PIEZO1: variants seen among roughly 807,000 people sequenced by gnomAD.
PIEZO1 encodes piezo-type mechanosensitive ion channel component 1.
In PIEZO1, 296 loss-of-function variants were observed where a neutral mutation model predicts 297.2. The observed-to-expected ratio is 1.00, with a 90% CI of 0.91 to 1.10. PIEZO1 has a LOEUF of 1.10. PIEZO1 is among the 50% of genes least tolerant of loss of function. The pLI is 0.00. For synonymous variants in PIEZO1, 2,427 were observed against 1,507.5 expected, an observed-to-expected ratio of 1.61 and a Z score of -14.13; for missense variants, 5,018 against 3,455.5, an observed-to-expected ratio of 1.45 and a Z score of -11.34.
rs1906031641 is a variant in PIEZO1, at chr16:88,745,986, A to G, written c.160+3398T>C. ...GCCACCATCCCCACACCTGCCGGAC[A>G]AGGGCTGGGCCTGATTGTTCTGTGG... On this transcript the variant is annotated intron_variant, in intron 2 of 50. Transcript: ENST00000301015. 2.0e-5 allele frequency among the ~76,000 whole-genome samples: 3 copies of G among 152,290 alleles called. No homozygotes were observed. In the South Asian group the frequency reaches 6.2e-4, roughly 32 times the overall value.
chr16:88,723,683 T>C lies in PIEZO1; in HGVS notation c.4335+188A>G, dbSNP rs374759377. Among the ~76,000 whole-genome samples, 8 of 152,252 alleles carry C rather than the reference T, an allele frequency of 5.3e-5. No individual in the cohort carries two copies. In the East Asian group the frequency reaches 9.6e-4, roughly 18 times the overall value. ...AGACCGTGGGGCAGCAGGCTACACA[T>C]GACCCATGTCCCTGTAGCCTGGTTT... On this transcript the variant is annotated intron_variant, in intron 31 of 50. Transcript: ENST00000301015.
intron 1 of PIEZO1, among the ~76,000 whole-genome samples, chr16:88,778,693 G>T (rs2911457): frequency 0.3 from 45,092 of 152,114 alleles, 7,388 homozygotes; most frequent in East Asian, 0.42. Flanking sequence ...CCCGCACACA[G>T]GAAGGGTCCC....
chr16:88,727,437 C>A (rs1181927309), intron 23 of PIEZO1, 120 bp downstream of exon 23: 1 of 641,232 alleles, frequency 1.6e-6, no homozygotes, highest in Non-Finnish European at 2.7e-6. Flanking sequence ...CTGCAGGCCG[C>A]CATGTGCCTG....
intron 1 of PIEZO1, among the ~76,000 whole-genome samples, chr16:88,770,375 G>A (rs1907367687): frequency 6.6e-6 from 1 of 152,226 alleles, no homozygotes; most frequent in East Asian, 1.9e-4. Context: ...TTGGGAGCTG[G>A]CTCGACCTTT....
chr16:88,723,998 G>A (rs1404495245), intron 30 of PIEZO1, 27 bp from the exon 31 acceptor site: 4 of 1,372,976 alleles, frequency 2.9e-6, no homozygotes, highest in Non-Finnish European at 4.1e-6. Context: ...CTGAGAGCCA[G>A]CCTTCCATGC....
chr16:88,739,476 G>C (rs941267195), intron 5 of PIEZO1: 2 of 152,184 alleles, frequency 1.3e-5, no homozygotes. Context: ...TCTGTGACTC[G>C]GGGGCTCTCC....
In PIEZO1 at chr16:88,731,908, G is replaced by T; in HGVS notation, c.2994C>A (p.Ile998=). The change falls in exon 22 of 51, where the codon ATC becomes ATA. Residue 998 remains isoleucine, a splice_region_variant and synonymous_variant. Transcript: ENST00000301015. ...TCACGTTCACGGCCATCAGGAAGCA[G>T]ATCTGGGGAGGGGAGAGGGCGGGGT... ...NFFFYKFGLE[I]CFLMAVNVIG... is the part of the protein sequence containing the mutation. 1 of 960,358 alleles carries T rather than the reference G, an allele frequency of 1.0e-6. No individual in the cohort carries two copies. The highest frequency in any genetic ancestry group is 1.3e-6 in the Non-Finnish European group (1 of 752,300). 59.5% of individuals were successfully genotyped at this position (960,358 alleles called of 1,614,324 possible).
intron 12 of PIEZO1, 56 bp from the exon 13 acceptor site, chr16:88,735,302 G>T (rs1905136250): frequency 7.8e-7 from 1 of 1,274,884 alleles, no homozygotes; most frequent in African/African-American, 1.5e-5. Context: ...CCCTCCCACA[G>T]CCGGGGGACC....
intron 2 of PIEZO1, chr16:88,743,773 G>C: frequency 2.5e-6 from 1 of 402,204 alleles, no homozygotes; most frequent in East Asian, 7.2e-5. Flanking sequence ...AGGCAGCCGA[G>C]GCAGGTTTGG....
chr16:88,757,362 G>T (rs2142878458), intron 1 of PIEZO1, among the ~76,000 whole-genome samples: 1 of 150,080 alleles, frequency 6.7e-6, no homozygotes, highest in South Asian at 2.1e-4. Flanking sequence ...GCTTTCCCGT[G>T]TGGTTAAAAG....
At position 88,742,376 on chromosome 16, in the gene PIEZO1, G is replaced by A. The variant is rs1182413307; in HGVS notation, c.207C>T (p.Leu69=). Reference sequence around the variant, plus strand: ...GGAGGGCGAGATGGGCCACCAGGAAGAGCAGGCTGAGGCCCAGCAATGCCC... The same window carrying A: ...GGAGGGCGAGATGGGCCACCAGGAAAAGCAGGCTGAGGCCCAGCAATGCCC... ...LLRALLGLSL[L]FLVAHLALQI... The change falls in exon 3 of 51, where the codon CTC becomes CTT. Residue 69 remains leucine (L), a synonymous_variant. Transcript: ENST00000301015. 1 of 1,535,462 alleles carries A rather than the reference G, an allele frequency of 6.5e-7. No individual in the cohort carries two copies. The highest frequency in any genetic ancestry group is 2.4e-5 in the East Asian group (1 of 40,916).
chr16:88,727,919 G>C (rs1398973926), intron 22 of PIEZO1: 2 of 323,102 alleles, frequency 6.2e-6, no homozygotes, highest in Non-Finnish European at 1.1e-5. Flanking sequence ...GGGGCTGCTG[G>C]GCCTGAGTTG....
At position 88,720,736 on chromosome 16, in the gene PIEZO1, C is replaced by T. The variant is rs552401582; in HGVS notation, c.5681G>A (p.Arg1894Lys). ...CTCTTCCTCCCCCTCTTCTTCCTCC[C>T]TGTCCTCAGCTTCTGTAGGGAAAAG... ...KGAAAIEAED[R>K]EEEEGEEEKE... Residue 1894 changes from arginine to lysine, a missense_variant, in exon 40 of 51, where the codon AGG becomes AAG. By Grantham distance (26) the Arg-to-Lys change is conservative. Coordinates refer to ENST00000301015, the MANE Select transcript of PIEZO1 (RefSeq NM_001142864.4). 7.6e-4 allele frequency: 1,140 copies of T among 1,505,172 alleles called. 1 individual carries two copies. The highest frequency in any genetic ancestry group is 9.5e-4 in the Non-Finnish European group (1,068 of 1,128,080). 93.2% of individuals were successfully genotyped at this position (1,505,172 alleles called of 1,614,324 possible).
intron 1 of PIEZO1, among the ~76,000 whole-genome samples, chr16:88,775,295 C>A (rs1404710671): frequency 6.6e-6 from 1 of 152,222 alleles, no homozygotes; most frequent in Non-Finnish European, 1.5e-5. Flanking sequence ...CGGCCAGTAG[C>A]CAGGCAGAAC....
At chr16:88,749,053 C>CGT (rs1906230919) in intron 2 of PIEZO1, among the ~76,000 whole-genome samples, 2 of 150,810 alleles carry the variant, frequency 1.3e-5, no homozygotes, top group Admixed American at 1.3e-4. Context: ...CTGGCTATCA[C>CGT]GGTGAAACCC....
intron 1 of PIEZO1, among the ~76,000 whole-genome samples, chr16:88,756,483 G>T (rs144801475): frequency 1.3e-5 from 2 of 152,360 alleles, no homozygotes; most frequent in African/African-American, 4.8e-5. Context: ...GCCGGGCACC[G>T]TGGCTCACGC....
chr16:88,720,065 C>A lies in PIEZO1; in HGVS notation c.6164+4G>T. The A allele has an allele frequency of 6.5e-7, 1 of 1,550,224 alleles. No homozygotes were observed. The highest frequency in any genetic ancestry group is 8.7e-7 in the Non-Finnish European group (1 of 1,146,912). The stretch of plus-strand genomic sequence containing the variant: ...AGACCGAGCGCCCCCACGCGTGGGC[C>A]CACCTCTCAGTGACGGCGGGCAGGA... On this transcript the variant is annotated splice_donor_region_variant and intron_variant, in intron 42 of 50. Transcript: ENST00000301015.
At chr16:88,740,733 A>G (rs1332962331) in intron 5 of PIEZO1, 1 of 152,312 alleles carries the variant, frequency 6.6e-6, no homozygotes, top group Admixed American at 6.5e-5. Flanking sequence ...AGCATCAGCT[A>G]TCTGACGAGT....
At chr16:88,735,512 C>A (rs966353880) in intron 12 of PIEZO1, among the ~76,000 whole-genome samples, 1 of 152,282 alleles carries the variant, frequency 6.6e-6, no homozygotes, top group East Asian at 1.9e-4. Flanking sequence ...CACTAGTTCA[C>A]GTGGGCACAG....
Sources: gnomAD v4.1 joint callset for allele counts (sites outside exome capture counted in the v4.1 genomes callset) on GRCh38, gnomAD v4.1.1 for gene constraint, MANE v1.5 for transcripts, NCBI Gene and HGNC (gene_info 2026-07-23, HGNC 2026-07-21) for gene names.